The following TMEM91 variants were observed in gnomAD, a reference collection of about 807,000 sequenced individuals.
TMEM91 encodes transmembrane protein 91.
A neutral mutation model predicts 13.3 loss-of-function variants in TMEM91; 6 were observed. That is an observed-to-expected ratio of 0.45 (90% CI 0.25 to 0.89). TMEM91 has a LOEUF of 0.89. Ranked by LOEUF, TMEM91 falls within the 40% of genes least tolerant of loss-of-function variation. TMEM91 has a pLI of 0.19. For missense variants in TMEM91, 193 were observed against 228.7 expected (o/e 0.84, Z 1.01); for synonymous variants, 87 against 101.7 (o/e 0.86, Z 0.87).
In TMEM91 at chr19:41,383,866, C is replaced by G. The variant is rs1032654429; in HGVS notation, c.512C>G (p.Pro171Arg). Residue 171 changes from proline (P) to arginine (R), a missense_variant, in exon 4 of 4, where the codon CCG (proline) becomes CGG (arginine). Physicochemically the swap from Pro to Arg is moderately radical, Grantham distance 103. Transcript: ENST00000392002. ...TLAAYLASRD[P>R]P Reference sequence around the variant, plus strand: ...GCTGCCTACCTTGCCTCCCGAGACCCGCCCTAGTTGCCCCTACAGCCCTCA... The same window carrying G: ...GCTGCCTACCTTGCCTCCCGAGACCGGCCCTAGTTGCCCCTACAGCCCTCA... 6.2e-7 allele frequency: 1 copy of G among 1,608,094 alleles called. No homozygotes were observed. Among genetic ancestry groups the G allele is most frequent in the Non-Finnish European group, 8.5e-7 (1 of 1,177,212 alleles).
chr19:41,369,930 A>C (rs576883416), intron 1 of TMEM91, among the ~76,000 whole-genome samples: 1 of 152,308 alleles, frequency 6.6e-6, no homozygotes, highest in East Asian at 1.9e-4. Context: ...TGTGCAACCA[A>C]TCTCCACAAC....
intron 1 of TMEM91, among the ~76,000 whole-genome samples, chr19:41,365,713 T>C: frequency 6.9e-6 from 1 of 144,110 alleles, no homozygotes; most frequent in African/African-American, 2.6e-5. Context: ...CCGGGTTTTT[T>C]TTTTTTTTTT....
chr19:41,364,002 G>A (rs1295714684), upstream of TMEM91: 1 of 208,590 alleles, frequency 4.8e-6, no homozygotes, highest in Admixed American at 5.3e-5. Context: ...GGCAACCGGG[G>A]TTGTAGTTCA....
In TMEM91 at chr19:41,384,005, G is replaced by A. The variant is rs1376279797; in HGVS notation, c.*132G>A. On this transcript the variant is annotated 3_prime_UTR_variant, in exon 4 of 4. Transcript: ENST00000392002. ...TCTAGAAACGGGAGCGAGCTGGACT[G>A]GAACCCTTCCCCTTCCTGGCCACCG... is the stretch of plus-strand genomic sequence containing the variant. 2.1e-6 allele frequency: 3 copies of A among 1,436,494 alleles called. No individual in the cohort carries two copies. The highest frequency in any genetic ancestry group is 2.9e-5 in the South Asian group (2 of 68,984). The allele number at this position is 1,436,494 out of a possible 1,614,324, so 89.0% of individuals were successfully genotyped here.
chr19:41,372,144 C>T (rs1013521664), upstream of TMEM91, among the ~76,000 whole-genome samples: 3 of 151,878 alleles, frequency 2.0e-5, no homozygotes, highest in African/African-American at 4.8e-5. Context: ...GGTAGGAGTT[C>T]GAGACCAGCC....
chr19:41,374,234 C>T (rs557671050), upstream of TMEM91: 6 of 152,248 alleles, frequency 3.9e-5, no homozygotes, highest in Non-Finnish European at 5.9e-5. Flanking sequence ...AGCCCTGGAG[C>T]GAGGGAACTC....
chr19:41,376,455 T>A (rs932256283), upstream of TMEM91: 2 of 152,236 alleles, frequency 1.3e-5, no homozygotes, highest in African/African-American at 4.8e-5. Context: ...TATTATTGGC[T>A]ATTATTGCGC....
upstream of TMEM91, among the ~76,000 whole-genome samples, chr19:41,371,589 T>C (rs991459828): frequency 6.6e-6 from 1 of 151,566 alleles, no homozygotes; most frequent in Non-Finnish European, 1.5e-5. Flanking sequence ...CCAGCTAGTT[T>C]TTGTATTTTT....
chr19:41,371,737 C>T (rs1568489704), upstream of TMEM91, among the ~76,000 whole-genome samples: 1 of 152,036 alleles, frequency 6.6e-6, no homozygotes, highest in African/African-American at 2.4e-5. Flanking sequence ...TTTTCTGTCT[C>T]TGTGAATGTG....
At chr19:41,367,417 G>C in intron 1 of TMEM91, among the ~76,000 whole-genome samples, 1 of 152,114 alleles carries the variant, frequency 6.6e-6, no homozygotes, top group East Asian at 1.9e-4. Context: ...CAAATCACGA[G>C]GTCAGGGGTT....
At position 41,378,531 on chromosome 19, in the gene TMEM91, C is replaced by T; in HGVS notation, c.210+12C>T. ...CCCCTGATGTTGAGGTAGGAAACAG[C>T]AGGCCTTAGTGGAAGGCACGGGAGG... On this transcript the variant is annotated intron_variant, in intron 2 of 3. Coordinates refer to ENST00000392002, the MANE Select transcript of TMEM91 (RefSeq NM_001098821.2). 1 of 1,613,846 alleles carries T rather than the reference C, an allele frequency of 6.2e-7. No individual in the cohort carries two copies. Among genetic ancestry groups the T allele is most frequent in the East Asian group, 2.2e-5 (1 of 44,874 alleles).
chr19:41,365,707 GTTTTTTT>G (rs3061204), intron 1 of TMEM91, among the ~76,000 whole-genome samples: 1 of 69,668 alleles, frequency 1.4e-5, no homozygotes, highest in Admixed American at 1.7e-4. Flanking sequence ...GACCGGCCGG[GTTTTTTT>G]TTTTTTTTTT....
At chr19:41,378,842 G>C (rs1230286224) in intron 2 of TMEM91, among the ~76,000 whole-genome samples, 2 of 151,952 alleles carry the variant, frequency 1.3e-5, no homozygotes, top group African/African-American at 4.8e-5. Flanking sequence ...GAGAGAGAGA[G>C]AGAGAGAGAG....
At chr19:41,365,101 G>A (rs2038494375) in intron 1 of TMEM91, among the ~76,000 whole-genome samples, 1 of 149,478 alleles carries the variant, frequency 6.7e-6, no homozygotes, top group Non-Finnish European at 1.5e-5. Flanking sequence ...GCCCAGTCTT[G>A]TCTTGACCTC....
At chr19:41,369,353 G>A (rs944245805) in intron 1 of TMEM91, among the ~76,000 whole-genome samples, 1 of 152,154 alleles carries the variant, frequency 6.6e-6, no homozygotes, top group South Asian at 2.1e-4. Context: ...AATTAGTAGA[G>A]ATGGGGTTTT....
chr19:41,369,502 C>A (rs1375637121), intron 1 of TMEM91, among the ~76,000 whole-genome samples: 1 of 135,634 alleles, frequency 7.4e-6, no homozygotes, highest in East Asian at 2.1e-4. Flanking sequence ...TAAGACTGCA[C>A]CTCTAAAAAA....
At chr19:41,379,742 G>A (rs1646633097) in intron 2 of TMEM91, among the ~76,000 whole-genome samples, 1 of 152,048 alleles carries the variant, frequency 6.6e-6, no homozygotes, top group Admixed American at 6.6e-5. Flanking sequence ...AACTCTTACG[G>A]TTTCTGTTGG....
At chr19:41,381,868 G>C (rs1317530126) in intron 2 of TMEM91, among the ~76,000 whole-genome samples, 1 of 151,184 alleles carries the variant, frequency 6.6e-6, no homozygotes, top group African/African-American at 2.4e-5. Context: ...CCCTGCTCAG[G>C]GGCTTTTCTT....
intron 2 of TMEM91, among the ~76,000 whole-genome samples, chr19:41,378,768 T>G (rs2123189450): frequency 6.6e-6 from 1 of 152,064 alleles, no homozygotes; most frequent in East Asian, 1.9e-4. Context: ...GTCTTCAGAG[T>G]GCATGCACCT....
Sources: allele counts gnomAD v4.1 joint callset (sites outside exome capture counted in the v4.1 genomes callset), GRCh38; gene constraint gnomAD v4.1.1; transcripts MANE v1.5; gene names NCBI Gene and HGNC (gene_info 2026-07-23, HGNC 2026-07-21).